The following NRG3 variants were observed in gnomAD, a reference collection of about 807,000 sequenced individuals.
NRG3 encodes pro-neuregulin-3, membrane-bound isoform.
In NRG3, 31 loss-of-function variants were observed where a neutral mutation model predicts 66.9. That is an observed-to-expected ratio of 0.46 (90% CI 0.35 to 0.63). The LOEUF (loss-of-function observed/expected upper bound fraction) is 0.63, where lower values mean the gene tolerates loss of function less well. Among genes scored for constraint, NRG3 ranks in the 20% least tolerant of loss-of-function variants. The pLI is 0.00. For synonymous variants in NRG3, 393 were observed against 359.4 expected, an observed-to-expected ratio of 1.09 and a Z score of -1.06; for missense variants, 910 against 878.9, an observed-to-expected ratio of 1.04 and a Z score of -0.45.
chr10:82,414,080 G>T lies in NRG3; in HGVS notation c.953+55212G>T, dbSNP rs541115763. On this transcript the variant is annotated intron_variant, in intron 2 of 8. Coordinates refer to ENST00000372141, the MANE Select transcript of NRG3 (RefSeq NM_001010848.4). Reference sequence around the variant, plus strand: ...ACTTTTCCTTTGCATTCACAACTTGGCTCAATGTTTAGCACAAGGAGCCTG... The same window carrying T: ...ACTTTTCCTTTGCATTCACAACTTGTCTCAATGTTTAGCACAAGGAGCCTG... Among the ~76,000 whole-genome samples the T allele has an allele frequency of 9.9e-5, 15 of 152,034 alleles. No individual in the cohort carries two copies. The South Asian group carries it at 3.1e-3, about 32-fold the overall frequency.
intron 4 of NRG3, among the ~76,000 whole-genome samples, chr10:82,915,333 C>G (rs764004403): frequency 2.6e-5 from 4 of 152,088 alleles, no homozygotes; most frequent in Non-Finnish European, 5.9e-5. Flanking sequence ...CTGCTGAGCT[C>G]TTTACATGCC....
chr10:82,207,060 G>A (rs2133575016), intron 1 of NRG3, among the ~76,000 whole-genome samples: 1 of 152,220 alleles, frequency 6.6e-6, no homozygotes, highest in East Asian at 1.9e-4. Context: ...TTTGACACAA[G>A]GAAATGAGAA....
At chr10:82,654,743 C>G (rs17100423) in intron 2 of NRG3, among the ~76,000 whole-genome samples, 14,073 of 151,998 alleles carry the variant, frequency 0.093, 767 homozygotes, top group East Asian at 0.23. Flanking sequence ...AAAGAGACAG[C>G]TAGGGAAATT....
chr10:82,145,413 A>C (rs1313203689), intron 1 of NRG3, among the ~76,000 whole-genome samples: 2 of 152,192 alleles, frequency 1.3e-5, no homozygotes, highest in African/African-American at 2.4e-5. Flanking sequence ...AATCTTCAAC[A>C]TACTTGGCTG....
chr10:82,919,159 G>A (rs995808056), intron 4 of NRG3, among the ~76,000 whole-genome samples: 12 of 151,548 alleles, frequency 7.9e-5, no homozygotes, highest in African/African-American at 2.4e-4. Context: ...TTTTCTCAAA[G>A]CAGCATCAAC....
rs182286783 is a variant in NRG3 at position 82,500,434 on chromosome 10, C to T, written c.953+141566C>T. Reference sequence around the variant, plus strand: ...CTATCTCTTTAATATCCATGGGATCCGTCCATTTCTCTCCATGTTAACTTC... The same window carrying T: ...CTATCTCTTTAATATCCATGGGATCTGTCCATTTCTCTCCATGTTAACTTC... On this transcript the variant is annotated intron_variant, in intron 2 of 8. Coordinates refer to ENST00000372141, the MANE Select transcript of NRG3 (RefSeq NM_001010848.4). Among the ~76,000 whole-genome samples the T allele has an allele frequency of 7.9e-4, 120 of 152,250 alleles. 7 individuals carry two copies. Among genetic ancestry groups the T allele is most frequent in the Middle Eastern group, 3.4e-3 (1 of 294 alleles).
At chr10:82,171,151 A>G (rs572365526) in intron 1 of NRG3, among the ~76,000 whole-genome samples, 1 of 152,128 alleles carries the variant, frequency 6.6e-6, no homozygotes, top group African/African-American at 2.4e-5. Context: ...TGTATTTGGT[A>G]TGAAGTATTT....
intron 1 of NRG3, among the ~76,000 whole-genome samples, chr10:82,350,899 T>C (rs898122556): frequency 2.0e-5 from 3 of 149,310 alleles, no homozygotes; most frequent in Non-Finnish European, 4.5e-5. Flanking sequence ...AACTCTTCTT[T>C]TTTTTTTTTT....
intron 1 of NRG3, among the ~76,000 whole-genome samples, chr10:82,170,934 A>G (rs1043424692): frequency 3.3e-5 from 5 of 151,378 alleles, no homozygotes; most frequent in African/African-American, 4.8e-5. Flanking sequence ...TAACATTTCT[A>G]TGTTAATTTG....
rs1459153861 is a variant in NRG3, at chr10:82,095,309, AAAAT to A, written c.823+219147_823+219150del. ...TCTATCTTGCTTAAGCCAAAAAAAA[AAAAT>A]GAGAGAAGCATTTTATTTGTAAAGA... is the stretch of plus-strand genomic sequence containing the variant. On this transcript the variant is annotated intron_variant, in intron 1 of 8. Coordinates refer to ENST00000372141, the MANE Select transcript of NRG3 (RefSeq NM_001010848.4). Among the ~76,000 whole-genome samples, 7 of 152,300 alleles carry A rather than the reference AAAAT, an allele frequency of 4.6e-5. No homozygotes were observed. The East Asian group carries it at 1.4e-3, about 30-fold the overall frequency.
intron 2 of NRG3, among the ~76,000 whole-genome samples, chr10:82,566,297 TCTTA>T (rs2045399200): frequency 6.6e-6 from 1 of 152,036 alleles, no homozygotes; most frequent in Non-Finnish European, 1.5e-5. Context: ...AGTTGACTGT[TCTTA>T]CTTTTTTGGG....
At chr10:82,388,597 C>A (rs1212502603) in intron 2 of NRG3, among the ~76,000 whole-genome samples, 1 of 152,080 alleles carries the variant, frequency 6.6e-6, no homozygotes, top group Non-Finnish European at 1.5e-5. Context: ...ACATTTATAA[C>A]AAACATCCTG....
At chr10:81,884,447 T>C (rs1056236467) in intron 1 of NRG3, among the ~76,000 whole-genome samples, 27 of 152,226 alleles carry the variant, frequency 1.8e-4, no homozygotes, top group Admixed American at 3.9e-4. Context: ...TTTGTTGATA[T>C]GTAATTGATA....
At chr10:82,272,031 A>T (rs1669219240) in intron 1 of NRG3, among the ~76,000 whole-genome samples, 1 of 152,120 alleles carries the variant, frequency 6.6e-6, no homozygotes, top group African/African-American at 2.4e-5. Flanking sequence ...TTCTGGAGAT[A>T]GAATTTAGAC....
intron 1 of NRG3, among the ~76,000 whole-genome samples, chr10:81,901,277 G>A (rs958502208): frequency 6.6e-6 from 1 of 152,202 alleles, no homozygotes; most frequent in African/African-American, 2.4e-5. Flanking sequence ...ACTGCAGCCG[G>A]GGCCTCCCTG....
At chr10:82,263,861 T>C (rs906318755) in intron 1 of NRG3, among the ~76,000 whole-genome samples, 1 of 152,238 alleles carries the variant, frequency 6.6e-6, no homozygotes, top group Admixed American at 6.5e-5. Flanking sequence ...TGTTGTTGCT[T>C]TTAAAGTGAT....
intron 1 of NRG3, among the ~76,000 whole-genome samples, chr10:82,269,123 A>C (rs1344412481): frequency 6.6e-6 from 1 of 151,962 alleles, no homozygotes; most frequent in Non-Finnish European, 1.5e-5. Flanking sequence ...TAAATCTACC[A>C]GCTCAGGAAT....
intron 1 of NRG3, among the ~76,000 whole-genome samples, chr10:82,004,654 G>A (rs11815249): frequency 0.13 from 20,103 of 152,132 alleles, 1,409 homozygotes; most frequent in Non-Finnish European, 0.15. Context: ...CTAACCACCA[G>A]TACCTCGAAG....
At chr10:82,539,414 C>T (rs1003762657) in intron 2 of NRG3, among the ~76,000 whole-genome samples, 2 of 152,128 alleles carry the variant, frequency 1.3e-5, no homozygotes, top group African/African-American at 4.8e-5. Flanking sequence ...ATGATTTTGT[C>T]ATTTATTTGT....
Sources: allele counts gnomAD v4.1 joint callset (sites outside exome capture counted in the v4.1 genomes callset), GRCh38; gene constraint gnomAD v4.1.1; transcripts MANE v1.5; gene names NCBI Gene and HGNC (gene_info 2026-07-23, HGNC 2026-07-21).